Variants in THOP1 observed in about 807,000 individuals in gnomAD.
THOP1 encodes thimet oligopeptidase.
In THOP1, 49 loss-of-function variants were observed where a neutral mutation model predicts 71.8. The observed-to-expected ratio is 0.68, with a 90% CI of 0.54 to 0.87. The LOEUF (loss-of-function observed/expected upper bound fraction) is 0.87. Ranked by LOEUF, THOP1 falls within the 40% of genes least tolerant of loss-of-function variation. THOP1 has a pLI of 0.00. For synonymous variants in THOP1, 426 were observed against 421.5 expected (o/e 1.01, Z -0.13); for missense variants, 843 against 975.6 (o/e 0.86, Z 1.81).
chr19:2,806,880 G>T, intron 6 of THOP1, 37 bp from the exon 7 acceptor site: 1 of 1,611,864 alleles, frequency 6.2e-7, no homozygotes, highest in Non-Finnish European at 8.5e-7. Context: ...GGAGGGAGTG[G>T]CGCCCCTGGG....
Position 2,813,122 on chromosome 19 carries a change from T to A in THOP1, c.1916T>A (p.Met639Lys), listed in dbSNP as rs765535051. The change falls in exon 13 of 13, where the codon ATG becomes AAG. Residue 639 changes from methionine (M) to lysine (K), a missense_variant. Coordinates refer to ENST00000307741, the MANE Select transcript of THOP1 (RefSeq NM_003249.5). The part of the protein sequence containing the change: ...QEGVLNSKVG[M>K]DYRSCILRPG... Reference sequence around the variant, plus strand: ...GCCCTGTCTCCTCGGCAGGTTGGCATGGATTACAGAAGCTGCATCCTGAGA... The same window carrying A: ...GCCCTGTCTCCTCGGCAGGTTGGCAAGGATTACAGAAGCTGCATCCTGAGA... The A allele has an allele frequency of 3.7e-6, 6 of 1,609,384 alleles. No homozygotes were observed. In the Admixed American group the frequency reaches 8.4e-5, roughly 22 times the overall value.
chr19:2,786,743 C>T (rs1321704581), intron 1 of THOP1, among the ~76,000 whole-genome samples: 5 of 150,140 alleles, frequency 3.3e-5, no homozygotes, highest in African/African-American at 1.2e-4. Context: ...GGATTTCAGG[C>T]GCCCACCACC....
Position 2,807,763 on chromosome 19 carries a change from C to G in THOP1, c.1208C>G (p.Ala403Gly). The G allele has an allele frequency of 3.9e-6, 6 of 1,545,998 alleles. No individual in the cohort carries two copies. Among genetic ancestry groups the G allele is most frequent in the Non-Finnish European group, 5.3e-6 (6 of 1,142,344 alleles). ...DVRLYTARDAASGEVVGKFYL... is the reference protein window; with the variant it reads ...DVRLYTARDAGSGEVVGKFYL... ...CGGCTCTACACCGCGAGGGACGCGG[C>G]CTCGGGGGAGGTGGTCGGCAAGTTC... The change falls in exon 8 of 13, where the codon GCC becomes GGC. Residue 403 changes from alanine (A) to glycine (G), a missense_variant. By Grantham distance (60) the Ala-to-Gly change is moderately conservative. Coordinates refer to ENST00000307741, the MANE Select transcript of THOP1 (RefSeq NM_003249.5).
At chr19:2,809,492 T>C (rs1916399945) in intron 9 of THOP1, 3 of 152,248 alleles carry the variant, frequency 2.0e-5, no homozygotes, top group Admixed American at 2.0e-4. Flanking sequence ...CTGAGGACCG[T>C]CTGCTCAGGG....
chr19:2,812,391 G>C (rs925343127), intron 12 of THOP1: 6 of 1,499,396 alleles, frequency 4.0e-6, no homozygotes, highest in African/African-American at 1.4e-5. Flanking sequence ...GAGCCACCAA[G>C]CAGGCACTCA....
chr19:2,794,841 A>G lies in THOP1; in HGVS notation c.307A>G (p.Lys103Glu), dbSNP rs751689068. 6.2e-7 allele frequency: 1 copy of G among 1,614,052 alleles called. No individual in the cohort carries two copies. Among genetic ancestry groups the G allele is most frequent in the South Asian group, 1.1e-5 (1 of 91,084 alleles). Residue 103 changes from lysine (K) to glutamate (E), a missense_variant, in exon 3 of 13, where the codon AAG becomes GAG. Coordinates refer to ENST00000307741, the MANE Select transcript of THOP1 (RefSeq NM_003249.5). Reference sequence around the variant, plus strand: ...CCGGACAGCCAGCACAGAGGCCGACAAGAAGCTCTCTGAGTTCGACGTGGA... The same window carrying G: ...CCGGACAGCCAGCACAGAGGCCGACGAGAAGCTCTCTGAGTTCGACGTGGA... ...DIRTASTEAD[K>E]KLSEFDVEMS...
At chr19:2,788,052 G>A (rs928000428) in intron 1 of THOP1, among the ~76,000 whole-genome samples, 2 of 152,116 alleles carry the variant, frequency 1.3e-5, no homozygotes, top group Admixed American at 6.6e-5. Flanking sequence ...AAATGTCCCC[G>A]GCCCCAAGAC....
Position 2,804,690 on chromosome 19 carries a change from G to A in THOP1, c.590-326G>A, listed in dbSNP as rs902248435. On this transcript the variant is annotated intron_variant, in intron 5 of 12. Coordinates refer to ENST00000307741, the MANE Select transcript of THOP1 (RefSeq NM_003249.5). This position sits in a 1 kb window ranked among gnomAD's most constrained non-coding sequence, Gnocchi z 4.7. ...GGCGCCCTGGAAGCCCACGATGTCC[G>A]GGGGTTGGGCTGGATTTAGCTTTAA... 2.2e-5 allele frequency: 5 copies of A among 230,224 alleles called. No individual in the cohort carries two copies. The highest frequency in any genetic ancestry group is 6.8e-5 in the African/African-American group (3 of 43,796). The allele number at this position is 230,224 out of a possible 1,614,324, so 14.3% of individuals were successfully genotyped here.
chr19:2,810,813 G>A, intron 11 of THOP1, 45 bp downstream of exon 11: 1 of 1,578,740 alleles, frequency 6.3e-7, no homozygotes, highest in Non-Finnish European at 8.6e-7. Flanking sequence ...TGGAGCCTCA[G>A]CTGCTTCCCT....
rs1916146906 is a variant in THOP1, at chr19:2,801,660, T to C, written c.589+1869T>C. Among the ~76,000 whole-genome samples, 1 of 152,190 alleles carries C rather than the reference T, an allele frequency of 6.6e-6. No individual in the cohort carries two copies. On this transcript the variant is annotated intron_variant, in intron 5 of 12. Coordinates refer to ENST00000307741, the MANE Select transcript of THOP1 (RefSeq NM_003249.5). The surrounding 1 kb of genome is among the most constrained non-coding windows in gnomAD (Gnocchi z 5.1). ...GTAGTTTATAAGAAAAGGAATTAAC[T>C]TGTCACAGCTCTGGAGGCTGAGAAG...
At position 2,807,003 on chromosome 19, in the gene THOP1, C is replaced by T. The variant is rs1568324607; in HGVS notation, c.837C>T (p.Val279=). ...GGTTCCACACGCACGCCGACTATGT[C>T]CTGGAGATGAACATGGCCAAGACCA... The part of the protein sequence containing the change: ...LLGFHTHADY[V]LEMNMAKTSQ... The change falls in exon 7 of 13, where the codon GTC becomes GTT. Residue 279 remains valine, a synonymous_variant. Coordinates refer to ENST00000307741, the MANE Select transcript of THOP1 (RefSeq NM_003249.5). 6.2e-7 allele frequency: 1 copy of T among 1,612,952 alleles called. No homozygotes were observed. Among genetic ancestry groups the T allele is most frequent in the Non-Finnish European group, 8.5e-7 (1 of 1,179,816 alleles).
chr19:2,813,060 C>T, intron 12 of THOP1, 55 bp from the exon 13 acceptor site: 1 of 1,540,136 alleles, frequency 6.5e-7, no homozygotes, highest in Non-Finnish European at 8.8e-7. Context: ...TCCTGGGGTC[C>T]TCTGCCTTCC....
intron 12 of THOP1, chr19:2,811,952 G>A (rs1039968941): frequency 8.2e-6 from 10 of 1,212,440 alleles, no homozygotes; most frequent in South Asian, 3.2e-5. Flanking sequence ...TGGGTGTGCC[G>A]GGTGAGCCAT....
intron 4 of THOP1, among the ~76,000 whole-genome samples, chr19:2,799,273 C>T (rs956832881): frequency 6.6e-6 from 1 of 152,144 alleles, no homozygotes; most frequent in East Asian, 1.9e-4. Context: ...TGCAGTGAGT[C>T]GAGATCATGC....
At chr19:2,795,861 G>T (rs1916001309) in intron 3 of THOP1, 2 of 473,018 alleles carry the variant, frequency 4.2e-6, no homozygotes, top group South Asian at 2.1e-5. Context: ...TGGTGAAGGA[G>T]CTCTGGACTG....
rs1241511713 is a variant in THOP1 at position 2,805,834 on chromosome 19, T to C, written c.750+658T>C. Among the ~76,000 whole-genome samples the C allele has an allele frequency of 1.6e-4, 23 of 147,100 alleles. No individual in the cohort carries two copies. The highest frequency in any genetic ancestry group is 1.6e-3 in the Admixed American group (23 of 14,762). ...TGATCACTGCAAGGGGACGGGCGGG[T>C]GCCCATCACTGCGGGGGGACGGGCG... On this transcript the variant is annotated intron_variant, in intron 6 of 12. Coordinates refer to ENST00000307741, the MANE Select transcript of THOP1 (RefSeq NM_003249.5). The surrounding 1 kb of genome is among the most constrained non-coding windows in gnomAD (Gnocchi z 6.6).
intron 2 of THOP1, 105 bp downstream of exon 2, chr19:2,790,738 A>G: frequency 1.9e-6 from 2 of 1,070,218 alleles, no homozygotes; most frequent in East Asian, 2.8e-5. Flanking sequence ...CCTGGCTTGA[A>G]GTGTCACCAG....
Position 2,804,894 on chromosome 19 carries a change from C to A in THOP1, c.590-122C>A. The stretch of plus-strand genomic sequence containing the variant: ...GCGGGTGGTGGCCAGGCTGCAGCTG[C>A]TCGCTGAGGGCCCCCTTGTAGCTTT... On this transcript the variant is annotated intron_variant, in intron 5 of 12. Transcript: ENST00000307741. This position sits in a 1 kb window ranked among gnomAD's most constrained non-coding sequence, Gnocchi z 4.7. 1 of 986,976 alleles carries A rather than the reference C, an allele frequency of 1.0e-6. No individual in the cohort carries two copies. Among genetic ancestry groups the A allele is most frequent in the Non-Finnish European group, 1.4e-6 (1 of 692,954 alleles). The allele number at this position is 986,976 out of a possible 1,614,324, so 61.1% of individuals were successfully genotyped here.
At position 2,788,083 on chromosome 19, in the gene THOP1, G is replaced by A. The variant is rs116041416; in HGVS notation, c.17-2338G>A. On this transcript the variant is annotated intron_variant, in intron 1 of 12. Transcript: ENST00000307741. Reference sequence around the variant, plus strand: ...AAGACTTTTTGGACAGGAGAGCATGGTCTGTAATAACAGCTACCTCTTGAA... The same window carrying A: ...AAGACTTTTTGGACAGGAGAGCATGATCTGTAATAACAGCTACCTCTTGAA... Among the ~76,000 whole-genome samples, 453 of 152,276 alleles carry A rather than the reference G, an allele frequency of 3.0e-3. 2 individuals are homozygous for A. Among genetic ancestry groups the A allele is most frequent in the African/African-American group, 9.4e-3 (390 of 41,552 alleles).
Sources: gnomAD v4.1 joint callset for allele counts (sites outside exome capture counted in the v4.1 genomes callset) on GRCh38, gnomAD v4.1.1 for gene constraint, Gnocchi (gnomAD v3.1) non-coding constraint, MANE v1.5 for transcripts, NCBI Gene and HGNC (gene_info 2026-07-23, HGNC 2026-07-21) for gene names.